CENPC: variants seen among roughly 807,000 people sequenced by gnomAD.
CENPC encodes the protein CENP-C 1.
A neutral mutation model predicts 112.1 loss-of-function variants in CENPC; 63 were observed. The observed-to-expected ratio is 0.56, with a 90% CI of 0.46 to 0.69. The LOEUF (loss-of-function observed/expected upper bound fraction) is 0.69. Among genes scored for constraint, CENPC ranks in the 30% least tolerant of loss-of-function variants. CENPC has a pLI of 0.00. For synonymous variants in CENPC, 333 were observed against 367.6 expected (o/e 0.91, Z 1.08); for missense variants, 1,000 against 1,103.8 (o/e 0.91, Z 1.33).
intron 17 of CENPC, among the ~76,000 whole-genome samples, chr4:67,484,855 AGGCCTAGGTG>A: frequency 6.6e-6 from 1 of 152,290 alleles, no homozygotes; most frequent in East Asian, 1.9e-4. Context: ...GCACTTTGGG[AGGCCTAGGTG>A]GGCGGATCAC....
chr4:67,507,964 A>G (rs924010365), intron 10 of CENPC, among the ~76,000 whole-genome samples: 5 of 152,154 alleles, frequency 3.3e-5, no homozygotes, highest in Non-Finnish European at 7.4e-5. Flanking sequence ...ACACACTGTC[A>G]TTTATTTCAG....
At chr4:67,528,175 T>G (rs1355545176) in intron 5 of CENPC, among the ~76,000 whole-genome samples, 7 of 152,134 alleles carry the variant, frequency 4.6e-5, no homozygotes, top group Non-Finnish European at 1.0e-4. Context: ...GATATAAAAA[T>G]TAGCCTCATA....
At chr4:67,488,522 T>C (rs191781010) in intron 17 of CENPC, among the ~76,000 whole-genome samples, 1 of 152,114 alleles carries the variant, frequency 6.6e-6, no homozygotes, top group East Asian at 1.9e-4. Context: ...TTCTAATAAT[T>C]TCCATTAACT....
intron 5 of CENPC, among the ~76,000 whole-genome samples, chr4:67,522,615 A>C (rs527942074): frequency 6.6e-6 from 1 of 152,348 alleles, no homozygotes; most frequent in East Asian, 1.9e-4. Flanking sequence ...CATGGAAATC[A>C]CATGTATTAC....
At chr4:67,518,494 G>T in intron 6 of CENPC, 126 bp from the exon 7 acceptor site, 1 of 1,016,170 alleles carries the variant, frequency 9.8e-7, no homozygotes, top group Non-Finnish European at 1.3e-6. Context: ...ATTTATTTAA[G>T]ACATAAATGC....
rs923681515 is a variant in CENPC, at chr4:67,477,292, G to A, written c.2671-2314C>T. On this transcript the variant is annotated intron_variant, in intron 17 of 18. Coordinates refer to ENST00000273853, the MANE Select transcript of CENPC (RefSeq NM_001812.4). Reference sequence around the variant, plus strand: ...AAAACTACAACCAAAGACCGTCACAGAGTCTGCTTCACTCCCCTGCTACCT... The same window carrying A: ...AAAACTACAACCAAAGACCGTCACAAAGTCTGCTTCACTCCCCTGCTACCT... Among the ~76,000 whole-genome samples the A allele has an allele frequency of 2.8e-4, 42 of 152,184 alleles. 1 individual carries two copies. The highest frequency in any genetic ancestry group is 1.9e-3 in the Admixed American group (29 of 15,276).
intron 1 of CENPC, 64 bp from the exon 2 acceptor site, chr4:67,544,259 A>G (rs1025131663): frequency 1.3e-5 from 12 of 893,614 alleles, no homozygotes; most frequent in Non-Finnish European, 2.2e-5. Flanking sequence ...ATTTATTTTC[A>G]AAGTAACTTC....
At chr4:67,477,313 T>C (rs746571509) in intron 17 of CENPC, among the ~76,000 whole-genome samples, 1 of 152,212 alleles carries the variant, frequency 6.6e-6, no homozygotes, top group Non-Finnish European at 1.5e-5. Flanking sequence ...ACTCCCCTGC[T>C]ACCTCCACTG....
rs751715970 is a variant in CENPC at position 67,518,258 on chromosome 4, G to T, written c.728C>A (p.Ser243Tyr). 1 of 1,560,632 alleles carries T rather than the reference G, an allele frequency of 6.4e-7. No individual in the cohort carries two copies. Among genetic ancestry groups the T allele is most frequent in the Non-Finnish European group, 8.7e-7 (1 of 1,152,748 alleles). ...TTCTGAATCTCGTATTCTATTCTGAGATGATCCTGATGGTTTTCTTTCTTG... is the reference window on the plus strand; with the variant it reads ...TTCTGAATCTCGTATTCTATTCTGATATGATCCTGATGGTTTTCTTTCTTG... ...EGQERKPSGS[S>Y]QNRIRDSEYE... Residue 243 changes from serine to tyrosine, a missense_variant, in exon 7 of 19, where the codon TCT becomes TAT. Coordinates refer to ENST00000273853, the MANE Select transcript of CENPC (RefSeq NM_001812.4).
At position 67,539,423 on chromosome 4, in the gene CENPC, A is replaced by G. The variant is rs555226130; in HGVS notation, c.231+417T>C. The stretch of plus-strand genomic sequence containing the variant: ...CTACTTAGTATAGTTAAGTCAACCA[A>G]TACTTTATTTCTGATCAAACTAACA... On this transcript the variant is annotated intron_variant, in intron 4 of 18. Coordinates refer to ENST00000273853, the MANE Select transcript of CENPC (RefSeq NM_001812.4). 9.9e-5 allele frequency among the ~76,000 whole-genome samples: 15 copies of G among 152,270 alleles called. No individual in the cohort carries two copies. The South Asian group carries it at 2.9e-3, about 29-fold the overall frequency.
chr4:67,514,525 T>C lies in CENPC; in HGVS notation c.993A>G (p.Thr331=). Residue 331 remains threonine, a synonymous_variant, in exon 8 of 19, where the codon ACA becomes ACG. Transcript: ENST00000273853. ...GTGCAGTGCTCTCAGCCGGGGATAT[T>C]GTGCGTTGTTTCAGAGACCCTGCCT... ...PRKAGSLKQR[T]ISPAESTALL... The C allele has an allele frequency of 2.5e-6, 4 of 1,613,058 alleles. No homozygotes were observed. The highest frequency in any genetic ancestry group is 3.4e-6 in the Non-Finnish European group (4 of 1,179,528).
At chr4:67,482,204 G>A (rs565696436) in intron 17 of CENPC, among the ~76,000 whole-genome samples, 14 of 151,960 alleles carry the variant, frequency 9.2e-5, no homozygotes, top group Admixed American at 8.5e-4. Flanking sequence ...AATGCAAATC[G>A]AAACCACAAT....
In CENPC at chr4:67,470,200, A is replaced by AGCTGT. The variant is rs1724617653; in HGVS notation, c.*2404_*2405insACAGC. 1 of 152,232 alleles carries AGCTGT rather than the reference A, an allele frequency of 6.6e-6. No homozygotes were observed. The highest frequency in any genetic ancestry group is 2.4e-5 in the African/African-American group (1 of 41,454). The allele number at this position is 152,232 out of a possible 1,614,324, so 9.4% of individuals were successfully genotyped here. ...AGCTGAACAGAGTACAGAGGTGGCAAAAATCAGACGTGGCTCTGACCAAGC... is the reference window on the plus strand; with the variant it reads ...AGCTGAACAGAGTACAGAGGTGGCAAGCTGTAAATCAGACGTGGCTCTGACCAAGC... On this transcript the variant is annotated 3_prime_UTR_variant, in exon 19 of 19. Coordinates refer to ENST00000273853, the MANE Select transcript of CENPC (RefSeq NM_001812.4).
At chr4:67,523,597 T>A (rs1198938545) in intron 5 of CENPC, among the ~76,000 whole-genome samples, 1 of 152,184 alleles carries the variant, frequency 6.6e-6, no homozygotes, top group African/African-American at 2.4e-5. Context: ...AACTTATGAT[T>A]ACTTCAACAT....
intron 4 of CENPC, among the ~76,000 whole-genome samples, 193 bp from the exon 5 acceptor site, chr4:67,531,107 A>G (rs1393689317): frequency 6.6e-6 from 1 of 152,202 alleles, no homozygotes; most frequent in Admixed American, 6.5e-5. Flanking sequence ...ATTATTCAGT[A>G]AAGCTGAAAT....
At chr4:67,486,644 G>A (rs1725101770) in intron 17 of CENPC, among the ~76,000 whole-genome samples, 2 of 152,200 alleles carry the variant, frequency 1.3e-5, no homozygotes, top group African/African-American at 4.8e-5. Context: ...GGAATCTAAT[G>A]AGTAGAGGCC....
rs140962230 is a variant in CENPC at position 67,470,932 on chromosome 4, G to A, written c.*1673C>T. 1 of 152,270 alleles carries A rather than the reference G, an allele frequency of 6.6e-6. No homozygotes were observed. The highest frequency in any genetic ancestry group is 2.4e-5 in the African/African-American group (1 of 41,426). 9.4% of individuals were successfully genotyped at this position (152,270 alleles called of 1,614,324 possible). ...TTTAACAAGGTCCTGGAAACAGAAG[G>A]GCAGAAAAGGGTAACATGAGCTCTC... On this transcript the variant is annotated 3_prime_UTR_variant, in exon 19 of 19. Coordinates refer to ENST00000273853, the MANE Select transcript of CENPC (RefSeq NM_001812.4).
intron 5 of CENPC, among the ~76,000 whole-genome samples, chr4:67,530,030 A>G (rs1726499012): frequency 6.6e-6 from 1 of 152,170 alleles, no homozygotes; most frequent in African/African-American, 2.4e-5. Flanking sequence ...AACTGGAAGA[A>G]AACAAACTTA....
chr4:67,500,215 C>A (rs972437863), intron 12 of CENPC, among the ~76,000 whole-genome samples: 2 of 151,734 alleles, frequency 1.3e-5, no homozygotes, highest in African/African-American at 4.8e-5. Context: ...AGGGTTGCCA[C>A]AAACCTTCAA....
Sources: allele counts gnomAD v4.1 joint callset (sites outside exome capture counted in the v4.1 genomes callset), GRCh38; gene constraint gnomAD v4.1.1; transcripts MANE v1.5; gene names NCBI Gene and HGNC (gene_info 2026-07-23, HGNC 2026-07-21).